WDPCP: variants seen among roughly 807,000 people sequenced by gnomAD.
WDPCP encodes the protein WD repeat-containing and planar cell polarity effector protein fritz homolog.
A neutral mutation model predicts 93.1 loss-of-function variants in WDPCP; 71 were observed. The ratio of observed to expected loss-of-function variants is 0.76; its 90% CI spans 0.63 to 0.93. The LOEUF (loss-of-function observed/expected upper bound fraction) is 0.93, where lower values mean the gene tolerates loss of function less well. Ranked by LOEUF, WDPCP falls within the 40% of genes least tolerant of loss-of-function variation. The pLI, the probability that WDPCP is intolerant of heterozygous loss-of-function variation, is 0.00. For synonymous variants in WDPCP, 315 were observed against 315.0 expected (o/e 1.00, Z 0.00); for missense variants, 844 against 887.4 (o/e 0.95, Z 0.62).
chr2:63,268,375 G>A (rs781665733), intron 13 of WDPCP, among the ~76,000 whole-genome samples: 7 of 152,166 alleles, frequency 4.6e-5, no homozygotes, highest in South Asian at 4.1e-4. Flanking sequence ...CAGTTAGACC[G>A]TAGGAATAAG....
intron 6 of WDPCP, among the ~76,000 whole-genome samples, chr2:63,454,300 A>C (rs1698478080): frequency 6.6e-6 from 1 of 151,804 alleles, no homozygotes. Context: ...GTGGGCATTG[A>C]ACAATGAACA....
chr2:63,271,577 A>G (rs1364742567), intron 13 of WDPCP, among the ~76,000 whole-genome samples: 1 of 152,178 alleles, frequency 6.6e-6, no homozygotes, highest in Non-Finnish European at 1.5e-5. Context: ...TGGTGCCTAC[A>G]TGCACCATTG....
chr2:63,487,363 G>T, intron 3 of WDPCP, 84 bp downstream of exon 3: 4 of 983,192 alleles, frequency 4.1e-6, no homozygotes, highest in South Asian at 1.5e-5. Flanking sequence ...TAAAGCTCAT[G>T]AGAAGAGAGC....
At chr2:63,605,624 T>G (rs1019665989) in intron 3 of WDPCP, among the ~76,000 whole-genome samples, 9 of 152,200 alleles carry the variant, frequency 5.9e-5, no homozygotes, top group Admixed American at 5.9e-4. Context: ...TAAAGGAGAT[T>G]GCACATGGAA....
chr2:63,484,112 T>C (rs922906017), intron 6 of WDPCP, among the ~76,000 whole-genome samples: 1 of 152,162 alleles, frequency 6.6e-6, no homozygotes. Context: ...GACTAGTGGC[T>C]ACCATAGTAA....
intron 6 of WDPCP, among the ~76,000 whole-genome samples, chr2:63,458,372 C>T (rs1405912194): frequency 4.6e-5 from 7 of 152,060 alleles, no homozygotes; most frequent in African/African-American, 1.7e-4. Flanking sequence ...AATTCAGTTG[C>T]AGGATACAAA....
At chr2:63,837,057 C>T in the WDPCP span, among the ~76,000 whole-genome samples, 2 of 152,242 alleles carry the variant, frequency 1.3e-5, no homozygotes, top group African/African-American at 4.8e-5. Context: ...TCAAATATAA[C>T]TTAAAAATCA....
At position 63,122,019 on chromosome 2, in the gene WDPCP, A is replaced by C; in HGVS notation, c.2228T>G (p.Phe743Cys). Residue 743 changes from phenylalanine (F) to cysteine (C), a missense_variant, in exon 18 of 18, where the codon TTT becomes TGT. Transcript: ENST00000272321. ...TTTTCTTAATGTTTACACCAGACCA[A>C]AGTGAATCATTTTGAGAGAACCACC... ...RDGGSLKMIH[F>C]GLV 6.2e-7 allele frequency: 1 copy of C among 1,613,480 alleles called. No homozygotes were observed. Among genetic ancestry groups the C allele is most frequent in the Non-Finnish European group, 8.5e-7 (1 of 1,179,696 alleles).
intron 14 of WDPCP, among the ~76,000 whole-genome samples, chr2:63,198,776 C>T (rs1675656000): frequency 1.3e-5 from 2 of 152,110 alleles, no homozygotes; most frequent in Admixed American, 1.3e-4. Context: ...AAAAGTGGTA[C>T]TGGGAGAGGG....
intron 13 of WDPCP, among the ~76,000 whole-genome samples, chr2:63,294,743 A>T (rs1188784034): frequency 1.3e-5 from 2 of 152,074 alleles, no homozygotes; most frequent in Non-Finnish European, 2.9e-5. Context: ...AAGAAAAAAA[A>T]ACTCAATAAA....
intron 1 of WDPCP, among the ~76,000 whole-genome samples, chr2:63,525,693 G>C (rs1396527733): frequency 2.0e-5 from 3 of 152,098 alleles, no homozygotes; most frequent in Non-Finnish European, 4.4e-5. Context: ...CCTCCATCTG[G>C]TCTCTTTCCT....
chr2:63,314,834 A>C (rs1440556277), intron 12 of WDPCP, among the ~76,000 whole-genome samples: 1 of 152,174 alleles, frequency 6.6e-6, no homozygotes, highest in Non-Finnish European at 1.5e-5. Flanking sequence ...CCTCAAAGTT[A>C]ACATGTCTAA....
intron 2 of WDPCP, among the ~76,000 whole-genome samples, chr2:63,734,763 T>G (rs527725614): frequency 6.6e-6 from 1 of 152,356 alleles, no homozygotes; most frequent in African/African-American, 2.4e-5. Context: ...ACCTGCAGTT[T>G]AAGTTATTGC....
chr2:63,131,481 C>T (rs1368490575), intron 17 of WDPCP, among the ~76,000 whole-genome samples: 1 of 151,686 alleles, frequency 6.6e-6, no homozygotes, highest in African/African-American at 2.4e-5. Context: ...TACAGTTCCT[C>T]CTTTTTTTAT....
chr2:63,185,283 A>G (rs1169336186), intron 14 of WDPCP, among the ~76,000 whole-genome samples: 1 of 152,242 alleles, frequency 6.6e-6, no homozygotes, highest in African/African-American at 2.4e-5. Context: ...GAGGGGTGTC[A>G]TAACTCCCTG....
At chr2:63,380,669 GAA>G (rs1247911053) in intron 11 of WDPCP, among the ~76,000 whole-genome samples, 1 of 152,160 alleles carries the variant, frequency 6.6e-6, no homozygotes, top group Non-Finnish European at 1.5e-5. Flanking sequence ...ATTGCAGTGA[GAA>G]GAGATCATGC....
chr2:63,409,761 G>A (rs571945039), intron 9 of WDPCP, among the ~76,000 whole-genome samples: 40 of 152,294 alleles, frequency 2.6e-4, no homozygotes, highest in African/African-American at 9.4e-4. Flanking sequence ...GCTGTGGAAA[G>A]TATCAGCGAT....
chr2:63,746,208 AT>A (rs1407837585), intron 2 of WDPCP, among the ~76,000 whole-genome samples: 1 of 152,330 alleles, frequency 6.6e-6, no homozygotes, highest in Admixed American at 6.5e-5. Context: ...CTGAACATAA[AT>A]TGTAAAGATT....
At chr2:63,538,849 AGT>A (rs1418335849) in intron 1 of WDPCP, among the ~76,000 whole-genome samples, 1 of 152,202 alleles carries the variant, frequency 6.6e-6, no homozygotes, top group Admixed American at 6.6e-5. Flanking sequence ...TAGCTCTGAG[AGT>A]CAGTATCCTA....
Sources: gnomAD v4.1 joint callset for allele counts (sites outside exome capture counted in the v4.1 genomes callset) on GRCh38, gnomAD v4.1.1 for gene constraint, MANE v1.5 for transcripts, NCBI Gene and HGNC (gene_info 2026-07-23, HGNC 2026-07-21) for gene names.